MAML3: variants seen among roughly 807,000 people sequenced by gnomAD.
The protein encoded by MAML3 is mastermind like transcriptional coactivator 3.
A neutral mutation model predicts 101.9 loss-of-function variants in MAML3; 27 were observed. The observed-to-expected ratio is 0.27, with a 90% CI of 0.20 to 0.37. The LOEUF (loss-of-function observed/expected upper bound fraction) is 0.37. Ranked by LOEUF, MAML3 falls within the 10% of genes least tolerant of loss-of-function variation. MAML3 has a pLI of 1.00. For missense variants in MAML3, 1,316 were observed against 1,444.9 expected (o/e 0.91, Z 1.45); for synonymous variants, 501 against 555.9 (o/e 0.90, Z 1.39).
intron 2 of MAML3, among the ~76,000 whole-genome samples, chr4:139,872,779 T>TC (rs1553961525): frequency 1.3e-5 from 2 of 151,818 alleles, no homozygotes; most frequent in Non-Finnish European, 2.9e-5. Context: ...GGTTTAGAGT[T>TC]AAAAAAATAA....
In MAML3 at chr4:139,718,163, GA is replaced by G. The variant is rs1728068183; in HGVS notation, c.*1159del. On this transcript the variant is annotated 3_prime_UTR_variant, in exon 5 of 5. Transcript: ENST00000509479. ...AGGCCACTCCTTCCTGGGGATATCA[GA>G]AATATCAGATGTGGCTCACAAAAAA... 1 of 152,024 alleles carries G rather than the reference GA, an allele frequency of 6.6e-6. No homozygotes were observed. The highest frequency in any genetic ancestry group is 2.4e-5 in the African/African-American group (1 of 41,394). 9.4% of individuals were successfully genotyped at this position (152,024 alleles called of 1,614,324 possible).
intron 2 of MAML3, among the ~76,000 whole-genome samples, chr4:139,827,130 G>A (rs1032008252): frequency 6.6e-6 from 1 of 152,070 alleles, no homozygotes; most frequent in African/African-American, 2.4e-5. Flanking sequence ...AGTGACCTCT[G>A]GCACTTACTG....
chr4:139,784,237 C>T (rs564440727), intron 2 of MAML3, among the ~76,000 whole-genome samples: 3 of 152,354 alleles, frequency 2.0e-5, no homozygotes, highest in Admixed American at 2.0e-4. Context: ...CTGGGAGCGT[C>T]CACACAAGCA....
intron 2 of MAML3, among the ~76,000 whole-genome samples, chr4:139,791,215 C>T (rs752230055): frequency 3.9e-5 from 6 of 152,060 alleles, no homozygotes; most frequent in African/African-American, 1.4e-4. Context: ...TCTCATCCAC[C>T]GCTGGGTATG....
chr4:139,790,753 C>T (rs1730394322), intron 2 of MAML3, among the ~76,000 whole-genome samples: 1 of 152,126 alleles, frequency 6.6e-6, no homozygotes, highest in Non-Finnish European at 1.5e-5. Flanking sequence ...GAATAACATT[C>T]CATCGTATGT....
chr4:140,074,225 G>GA (rs1482489101), intron 1 of MAML3, among the ~76,000 whole-genome samples: 1 of 149,742 alleles, frequency 6.7e-6, no homozygotes, highest in African/African-American at 2.5e-5. Flanking sequence ...AAGAAAGAAA[G>GA]AAAGAAAGAA....
At chr4:139,885,637 A>T (rs1046792286) in intron 2 of MAML3, among the ~76,000 whole-genome samples, 12 of 151,668 alleles carry the variant, frequency 7.9e-5, no homozygotes, top group Non-Finnish European at 1.5e-4. Context: ...ACAAAAAAAA[A>T]AGTAGGCCGG....
chr4:140,038,766 T>G (rs1727030198), intron 1 of MAML3, among the ~76,000 whole-genome samples: 4 of 152,210 alleles, frequency 2.6e-5, no homozygotes, highest in Admixed American at 2.6e-4. Context: ...AGCTCGGCTA[T>G]TATTATTCAT....
intron 1 of MAML3, among the ~76,000 whole-genome samples, chr4:139,972,260 G>C (rs1213138486): frequency 6.6e-6 from 1 of 152,094 alleles, no homozygotes; most frequent in South Asian, 2.1e-4. Flanking sequence ...CAAATACCAG[G>C]TGTCTATTAA....
In MAML3 at chr4:139,889,601, A is replaced by T. The variant is rs1431094142; in HGVS notation, c.1835T>A (p.Leu612Gln). ...CACTGGTGGTGTCATCCTCTGACTC[A>T]GGTCTGCATTGAAGTGGGTCAGGGG... ...TKPLTHFNAD[L>Q]SQRMTPPVAN... Residue 612 changes from leucine to glutamine, a missense_variant, in exon 2 of 5, where the codon CTG becomes CAG. Physicochemically the swap from Leu to Gln is moderately radical, Grantham distance 113. Transcript: ENST00000509479. 1.9e-6 allele frequency: 3 copies of T among 1,613,680 alleles called. No individual in the cohort carries two copies. In the African/African-American group the frequency reaches 4.0e-5, roughly 22 times the overall value.
intron 2 of MAML3, among the ~76,000 whole-genome samples, chr4:139,798,320 A>C (rs1730552473): frequency 6.6e-6 from 1 of 152,246 alleles, no homozygotes; most frequent in Non-Finnish European, 1.5e-5. Context: ...GATCAAAAAC[A>C]GTTGAATATC....
chr4:139,899,056 CA>C (rs778590006), intron 1 of MAML3, among the ~76,000 whole-genome samples: 2 of 152,206 alleles, frequency 1.3e-5, no homozygotes, highest in Non-Finnish European at 2.9e-5. Context: ...GATTGGGACA[CA>C]AGGTGGGGGC....
chr4:139,965,352 A>T (rs6536603), intron 1 of MAML3, among the ~76,000 whole-genome samples: 1 of 151,858 alleles, frequency 6.6e-6, no homozygotes, highest in Non-Finnish European at 1.5e-5. Flanking sequence ...GTTTTTTCCT[A>T]CTATTATAAG....
chr4:140,152,832 C>T lies in MAML3; in HGVS notation c.468+28G>A, dbSNP rs1339817196. On this transcript the variant is annotated intron_variant, in intron 1 of 4. Coordinates refer to ENST00000509479, the MANE Select transcript of MAML3 (RefSeq NM_018717.5). ...CACCACCACCACCCCCAACGCGCGC[C>T]GCAAGCCCGCTGCCCGTGCGCCCTC... 4.4e-6 allele frequency: 7 copies of T among 1,595,258 alleles called. No homozygotes were observed. The East Asian group carries it at 1.6e-4, about 36-fold the overall frequency.
intron 1 of MAML3, among the ~76,000 whole-genome samples, chr4:139,989,882 C>CAGAG (rs141031028): frequency 5.4e-4 from 34 of 63,132 alleles, no homozygotes; most frequent in East Asian, 3.9e-3. Context: ...CACACACACA[C>CAGAG]AGAGAGAGAG....
intron 4 of MAML3, among the ~76,000 whole-genome samples, chr4:139,724,824 G>C (rs1177182913): frequency 6.6e-6 from 1 of 150,476 alleles, no homozygotes; most frequent in Non-Finnish European, 1.5e-5. Flanking sequence ...GCCCAGGCTG[G>C]AGTAGCTCAC....
chr4:139,913,774 T>C (rs1419757996), intron 1 of MAML3, among the ~76,000 whole-genome samples: 2 of 152,192 alleles, frequency 1.3e-5, no homozygotes, highest in Admixed American at 1.3e-4. Context: ...ATTGCTGATA[T>C]GGAAGCAGTG....
chr4:140,016,541 A>G (rs1364839662), intron 1 of MAML3, among the ~76,000 whole-genome samples: 1 of 152,246 alleles, frequency 6.6e-6, no homozygotes, highest in Non-Finnish European at 1.5e-5. Context: ...ACTACTGTAT[A>G]TAGTTATGGT....
intron 2 of MAML3, among the ~76,000 whole-genome samples, chr4:139,802,902 G>C (rs1300115928): frequency 1.3e-5 from 2 of 152,224 alleles, no homozygotes; most frequent in Admixed American, 1.3e-4. Context: ...CCAAATGTAA[G>C]AGGTATTATT....
Sources: allele counts gnomAD v4.1 joint callset (sites outside exome capture counted in the v4.1 genomes callset), GRCh38; gene constraint gnomAD v4.1.1; transcripts MANE v1.5; gene names NCBI Gene and HGNC (gene_info 2026-07-23, HGNC 2026-07-21).